SLC9A9: variants seen among roughly 807,000 people sequenced by gnomAD.
SLC9A9 encodes solute carrier family 9 member A9, also known as sodium/hydrogen exchanger 9.
A neutral mutation model predicts 77.8 loss-of-function variants in SLC9A9; 62 were observed. That is an observed-to-expected ratio of 0.80 (90% CI 0.65 to 0.98). The LOEUF (loss-of-function observed/expected upper bound fraction) is 0.98. SLC9A9 is among the 50% of genes least tolerant of loss of function. SLC9A9 has a pLI of 0.00. For missense variants in SLC9A9, 775 were observed against 774.9 expected (o/e 1.00, Z 0.00); for synonymous variants, 320 against 283.5 (o/e 1.13, Z -1.29).
At chr3:143,272,426 G>A (rs1330076405) in intron 14 of SLC9A9, among the ~76,000 whole-genome samples, 3 of 152,206 alleles carry the variant, frequency 2.0e-5, no homozygotes, top group African/African-American at 7.2e-5. Context: ...GCTCAGAGAA[G>A]GTAAATAAAT....
chr3:143,269,066 G>C, intron 14 of SLC9A9, 86 bp from the exon 15 acceptor site: 1 of 1,015,982 alleles, frequency 9.8e-7, no homozygotes, highest in Non-Finnish European at 1.6e-6. Context: ...TGCTGAGACA[G>C]CTACGTTTGC....
At chr3:143,385,378 G>C (rs2033400637) in intron 12 of SLC9A9, among the ~76,000 whole-genome samples, 1 of 152,050 alleles carries the variant, frequency 6.6e-6, no homozygotes, top group African/African-American at 2.4e-5. Flanking sequence ...CACCCCTTCA[G>C]ACCAACTCCC....
intron 14 of SLC9A9, among the ~76,000 whole-genome samples, chr3:143,354,949 G>C (rs917989245): frequency 1.3e-5 from 2 of 152,166 alleles, no homozygotes; most frequent in Non-Finnish European, 2.9e-5. Context: ...TGCTTTCATT[G>C]TGGAAGAGAA....
At chr3:143,564,074 T>C (rs2037129546) in intron 8 of SLC9A9, among the ~76,000 whole-genome samples, 1 of 152,246 alleles carries the variant, frequency 6.6e-6, no homozygotes, top group South Asian at 2.1e-4. Context: ...AAGAAATGTT[T>C]ATGTGCTTTG....
intron 6 of SLC9A9, among the ~76,000 whole-genome samples, chr3:143,614,298 G>T (rs2038069163): frequency 6.6e-6 from 1 of 152,106 alleles, no homozygotes; most frequent in South Asian, 2.1e-4. Context: ...ATCAATTTTT[G>T]ATCCTTTTTC....
intron 14 of SLC9A9, among the ~76,000 whole-genome samples, chr3:143,285,855 A>G (rs938472593): frequency 4.6e-5 from 7 of 152,176 alleles, no homozygotes; most frequent in Non-Finnish European, 8.8e-5. Context: ...TTAAGGAAAA[A>G]GAAGGGGAGA....
At chr3:143,326,929 A>C (rs2031623689) in intron 14 of SLC9A9, among the ~76,000 whole-genome samples, 1 of 152,178 alleles carries the variant, frequency 6.6e-6, no homozygotes, top group South Asian at 2.1e-4. Flanking sequence ...TTAGGGGACC[A>C]CTTTCTCTTG....
At chr3:143,578,754 G>T (rs374799165) in intron 6 of SLC9A9, 31 bp from the exon 7 acceptor site, 2 of 1,613,494 alleles carry the variant, frequency 1.2e-6, no homozygotes, top group Non-Finnish European at 8.5e-7. Flanking sequence ...AGGTTAGTTA[G>T]TGACTTTCAT....
intron 12 of SLC9A9, among the ~76,000 whole-genome samples, chr3:143,396,260 T>C (rs895960861): frequency 6.6e-6 from 1 of 152,188 alleles, no homozygotes; most frequent in African/African-American, 2.4e-5. Context: ...CATGGAATAC[T>C]ATGCAGCCAT....
chr3:143,541,266 C>T (rs1049282761), intron 9 of SLC9A9, among the ~76,000 whole-genome samples: 7 of 152,144 alleles, frequency 4.6e-5, no homozygotes, highest in African/African-American at 1.7e-4. Flanking sequence ...AGTAAGCTTT[C>T]ACATCACGAG....
chr3:143,748,805 G>A lies in SLC9A9; in HGVS notation c.533+46196C>T, dbSNP rs548908471. ...TGCAAGCTCCGCTTCCTGGGTTCACGCCATTCTCCTGCCTCAGCCTCCCGA... is the reference window on the plus strand; with the variant it reads ...TGCAAGCTCCGCTTCCTGGGTTCACACCATTCTCCTGCCTCAGCCTCCCGA... On this transcript the variant is annotated intron_variant, in intron 4 of 15. Transcript: ENST00000316549. Among the ~76,000 whole-genome samples, 22 of 147,850 alleles carry A rather than the reference G, an allele frequency of 1.5e-4. No homozygotes were observed. In the South Asian group the frequency reaches 4.6e-3, roughly 31 times the overall value.
chr3:143,421,494 G>C lies in SLC9A9; in HGVS notation c.1470-39380C>G, dbSNP rs190251287. 5.6e-3 allele frequency among the ~76,000 whole-genome samples: 845 copies of C among 151,992 alleles called. 2 individuals carry two copies. The highest frequency in any genetic ancestry group is 8.6e-3 in the Non-Finnish European group (583 of 67,946). ...CCAAAGTCAACAAAAATAAATAATG[G>C]GGAAAGGACCCTCTATTTAATAAAT... On this transcript the variant is annotated intron_variant, in intron 12 of 15. Transcript: ENST00000316549.
intron 14 of SLC9A9, among the ~76,000 whole-genome samples, chr3:143,326,644 A>G (rs568304867): frequency 1.3e-5 from 2 of 152,278 alleles, no homozygotes; most frequent in African/African-American, 4.8e-5. Flanking sequence ...CCCTTCCCCA[A>G]CTACCTTCTC....
chr3:143,539,600 A>T (rs1559959079), intron 9 of SLC9A9, among the ~76,000 whole-genome samples: 1 of 152,206 alleles, frequency 6.6e-6, no homozygotes, highest in African/African-American at 2.4e-5. Flanking sequence ...GAAGCCCTTC[A>T]TACTTACACC....
intron 4 of SLC9A9, among the ~76,000 whole-genome samples, chr3:143,789,183 A>G (rs2008145485): frequency 6.6e-6 from 1 of 152,210 alleles, no homozygotes; most frequent in Non-Finnish European, 1.5e-5. Context: ...CTCACAGTAC[A>G]TGGTAAAATC....
chr3:143,839,391 A>G (rs1287497394), intron 1 of SLC9A9, among the ~76,000 whole-genome samples: 3 of 152,152 alleles, frequency 2.0e-5, no homozygotes, highest in African/African-American at 7.2e-5. Flanking sequence ...CTCTTCTCAC[A>G]GGATAGAGTC....
intron 4 of SLC9A9, among the ~76,000 whole-genome samples, chr3:143,743,714 C>A (rs1460217511): frequency 6.6e-6 from 1 of 152,180 alleles, no homozygotes; most frequent in East Asian, 1.9e-4. Flanking sequence ...CAGACAAGCC[C>A]TAGAAATAAT....
chr3:143,374,912 C>T (rs930002605), intron 13 of SLC9A9, among the ~76,000 whole-genome samples: 1 of 152,142 alleles, frequency 6.6e-6, no homozygotes, highest in South Asian at 2.1e-4. Flanking sequence ...CCATCCCCAC[C>T]TTTCCCACTG....
chr3:143,586,057 CA>C (rs1344985807), intron 6 of SLC9A9, among the ~76,000 whole-genome samples: 1 of 152,210 alleles, frequency 6.6e-6, no homozygotes, highest in Non-Finnish European at 1.5e-5. Flanking sequence ...GAAGGGATAA[CA>C]GTATAACAGT....
Sources: gnomAD v4.1 joint callset for allele counts (sites outside exome capture counted in the v4.1 genomes callset) on GRCh38, gnomAD v4.1.1 for gene constraint, MANE v1.5 for transcripts, NCBI Gene and HGNC (gene_info 2026-07-23, HGNC 2026-07-21) for gene names.